The following BMP7 variants were observed in gnomAD, a reference collection of about 807,000 sequenced individuals.
The protein encoded by BMP7 is bone morphogenetic protein 7.
BMP7 carries 12 observed loss-of-function variants against 41.2 expected under a neutral mutation model. The observed-to-expected ratio is 0.29, with a 90% CI of 0.19 to 0.47. The LOEUF (loss-of-function observed/expected upper bound fraction) is 0.47. BMP7 is among the 20% of genes least tolerant of loss of function. BMP7 has a pLI of 0.99. For missense variants in BMP7, 467 were observed against 606.0 expected (o/e 0.77, Z 2.41); for synonymous variants, 248 against 250.0 (o/e 0.99, Z 0.07).
At chr20:57,226,171 A>T (rs895362814) in intron 2 of BMP7, among the ~76,000 whole-genome samples, 1 of 152,250 alleles carries the variant, frequency 6.6e-6, no homozygotes, top group African/African-American at 2.4e-5. Flanking sequence ...CTCAGGCAAG[A>T]CAGCAGAGGC....
chr20:57,181,548 A>G (rs1460685396), intron 4 of BMP7, among the ~76,000 whole-genome samples: 2 of 152,346 alleles, frequency 1.3e-5, no homozygotes, highest in African/African-American at 2.4e-5. Context: ...CTTTGCCAAC[A>G]AAGATGTATT....
chr20:57,175,544 A>G (rs1210264047), intron 4 of BMP7, among the ~76,000 whole-genome samples: 1 of 152,214 alleles, frequency 6.6e-6, no homozygotes, highest in Non-Finnish European at 1.5e-5. Flanking sequence ...AAACCTGATG[A>G]CCTTTCAGAA....
rs1198337329 is a variant in BMP7 at position 57,261,852 on chromosome 20, G to A, written c.418+3853C>T. Among the ~76,000 whole-genome samples, 1 of 152,232 alleles carries A rather than the reference G, an allele frequency of 6.6e-6. No individual in the cohort carries two copies. Among genetic ancestry groups the A allele is most frequent in the Non-Finnish European group, 1.5e-5 (1 of 68,042 alleles). ...AATCTTTTTCTAATACTCTACAGTG[G>A]TAGGGCCTGCTCTTGACGGGCAGTG... On this transcript the variant is annotated intron_variant, in intron 1 of 6. Coordinates refer to ENST00000395863, the MANE Select transcript of BMP7 (RefSeq NM_001719.3). The surrounding 1 kb of genome is among the most constrained non-coding windows in gnomAD (Gnocchi z 4.1).
At chr20:57,179,556 C>G (rs1329460105) in intron 4 of BMP7, among the ~76,000 whole-genome samples, 3 of 152,226 alleles carry the variant, frequency 2.0e-5, no homozygotes, top group Admixed American at 6.5e-5. Flanking sequence ...GGCAGGAAAG[C>G]GAGCTCCGCG....
At chr20:57,263,008 G>A (rs556742173) in intron 1 of BMP7, among the ~76,000 whole-genome samples, 5 of 152,280 alleles carry the variant, frequency 3.3e-5, no homozygotes, top group African/African-American at 1.2e-4. Context: ...CAGGATAGAA[G>A]GGACAGGCCA....
intron 3 of BMP7, among the ~76,000 whole-genome samples, chr20:57,193,815 C>T (rs1490605036): frequency 2.6e-5 from 4 of 152,302 alleles, no homozygotes; most frequent in East Asian, 1.9e-4. Flanking sequence ...GCCCTTTGCA[C>T]GCTGTAGGCG....
chr20:57,251,155 C>T (rs1262580225), intron 1 of BMP7, among the ~76,000 whole-genome samples: 1 of 152,188 alleles, frequency 6.6e-6, no homozygotes, highest in East Asian at 1.9e-4. Context: ...ACTGACATCC[C>T]CAGGCACCAG....
intron 1 of BMP7, among the ~76,000 whole-genome samples, chr20:57,262,333 GGGGCCCAGGCT>G (rs1226456842): frequency 6.6e-6 from 1 of 152,234 alleles, no homozygotes; most frequent in Non-Finnish European, 1.5e-5. Flanking sequence ...TTGAACTTAA[GGGGCCCAGGCT>G]GGGAAGATGG....
At position 57,207,898 on chromosome 20, in the gene BMP7, C is replaced by T. The variant is rs539897392; in HGVS notation, c.612-5275G>A. Among the ~76,000 whole-genome samples, 34 of 143,328 alleles carry T rather than the reference C, an allele frequency of 2.4e-4. 1 individual carries two copies. The highest frequency in any genetic ancestry group is 1.2e-3 in the South Asian group (5 of 4,318). The allele number at this position is 143,328 out of a possible 152,430, so 94.0% of individuals were successfully genotyped here. A position where few individuals can be genotyped will look rare whatever the true frequency, so the allele number is the denominator to read the frequency against. ...ACTGCGGACTGCAGTGGCGCAATCT[C>T]GGCTCACTGCAAGCTCCGCTTCCCG... is the stretch of plus-strand genomic sequence containing the variant. On this transcript the variant is annotated intron_variant, in intron 2 of 6. Transcript: ENST00000395863.
intron 1 of BMP7, among the ~76,000 whole-genome samples, chr20:57,242,577 G>A (rs1410948452): frequency 2.0e-5 from 3 of 152,196 alleles, no homozygotes; most frequent in Non-Finnish European, 4.4e-5. Flanking sequence ...CTAACACCTC[G>A]GGGCAGCTTG....
chr20:57,173,409 C>T, intron 5 of BMP7, 99 bp from the exon 6 acceptor site: 1 of 1,190,360 alleles, frequency 8.4e-7, no homozygotes, highest in Non-Finnish European at 1.2e-6. Context: ...AGGCTCACGA[C>T]CCAAGGTGGA....
At chr20:57,260,768 C>T (rs567017961) in intron 1 of BMP7, among the ~76,000 whole-genome samples, 54 of 152,360 alleles carry the variant, frequency 3.5e-4, no homozygotes, top group African/African-American at 1.3e-3. Flanking sequence ...TGCCTGTGCC[C>T]TAACCCCGGT....
chr20:57,220,574 C>T (rs1053220233), intron 2 of BMP7, among the ~76,000 whole-genome samples: 1 of 152,198 alleles, frequency 6.6e-6, no homozygotes, highest in African/African-American at 2.4e-5. Flanking sequence ...CAGAGAGCTG[C>T]CTCCACGAAA....
At chr20:57,237,753 T>C (rs1241618759) in intron 1 of BMP7, among the ~76,000 whole-genome samples, 1 of 152,216 alleles carries the variant, frequency 6.6e-6, no homozygotes, top group East Asian at 1.9e-4. Flanking sequence ...TTGACAATGA[T>C]ACACATTGTT....
intron 3 of BMP7, among the ~76,000 whole-genome samples, chr20:57,196,647 C>T (rs1005012081): frequency 6.6e-6 from 1 of 152,146 alleles, no homozygotes; most frequent in African/African-American, 2.4e-5. Context: ...GCAGGGCCCA[C>T]GAAAACACTA....
chr20:57,236,937 C>T (rs1418392445), intron 1 of BMP7, among the ~76,000 whole-genome samples: 4 of 152,198 alleles, frequency 2.6e-5, no homozygotes, highest in Admixed American at 6.5e-5. Context: ...AATAATCACC[C>T]AGCAGCTCCT....
Position 57,168,947 on chromosome 20 carries a change from G to T in BMP7, c.*2012C>A, listed in dbSNP as rs551724629. ...CATCGTCCTGAACGAGGGATTAAAG[G>T]GGGGGGGGTGTTCAAAAGAGCTTTG... On this transcript the variant is annotated 3_prime_UTR_variant, in exon 7 of 7. Coordinates refer to ENST00000395863, the MANE Select transcript of BMP7 (RefSeq NM_001719.3). 2.3e-5 allele frequency: 1 copy of T among 43,152 alleles called. No individual in the cohort carries two copies. The highest frequency in any genetic ancestry group is 8.0e-5 in the Non-Finnish European group (1 of 12,540). 2.7% of individuals were successfully genotyped at this position (43,152 alleles called of 1,614,324 possible). A position where few individuals can be genotyped will look rare whatever the true frequency, so the allele number is the denominator to read the frequency against.
intron 3 of BMP7, among the ~76,000 whole-genome samples, chr20:57,187,719 G>A (rs1447628926): frequency 6.6e-6 from 1 of 152,192 alleles, no homozygotes; most frequent in East Asian, 1.9e-4. Context: ...ACATTGCTAA[G>A]TCACTGGATC....
chr20:57,257,694 C>T (rs1378286048), intron 1 of BMP7, among the ~76,000 whole-genome samples: 3 of 151,814 alleles, frequency 2.0e-5, no homozygotes, highest in Non-Finnish European at 4.4e-5. Context: ...ATATGTGCAC[C>T]GAAACAACCA....
Sources: allele counts gnomAD v4.1 joint callset (sites outside exome capture counted in the v4.1 genomes callset), GRCh38; gene constraint gnomAD v4.1.1; non-coding constraint Gnocchi (gnomAD v3.1); transcripts MANE v1.5; gene names NCBI Gene and HGNC (gene_info 2026-07-23, HGNC 2026-07-21).